ENPP2: variants seen among roughly 807,000 people sequenced by gnomAD.
ENPP2 encodes autotaxin.
ENPP2 carries 51 observed loss-of-function variants against 120.2 expected under a neutral mutation model. The observed-to-expected ratio is 0.42, with a 90% CI of 0.34 to 0.54. ENPP2 has a LOEUF of 0.54. Ranked by LOEUF, ENPP2 falls within the 20% of genes least tolerant of loss-of-function variation. The pLI, the probability that ENPP2 is intolerant of heterozygous loss-of-function variation, is 0.04. For synonymous variants in ENPP2, 365 were observed against 366.4 expected, an observed-to-expected ratio of 1.00 and a Z score of 0.04; for missense variants, 920 against 1,066.5, an observed-to-expected ratio of 0.86 and a Z score of 1.91.
chr8:119,656,586 C>G (rs1271522760), intron 1 of ENPP2, among the ~76,000 whole-genome samples: 1 of 152,204 alleles, frequency 6.6e-6, no homozygotes, highest in Non-Finnish European at 1.5e-5. Flanking sequence ...CTGTTCTAGG[C>G]ACAAGAGTCC....
At chr8:119,583,650 C>T in intron 17 of ENPP2, 67 bp downstream of exon 17, 1 of 873,582 alleles carries the variant, frequency 1.1e-6, no homozygotes, top group Non-Finnish European at 1.8e-6. Flanking sequence ...CTTTCTCTGA[C>T]ATTGAGAAAG....
At chr8:119,614,062 CTTTTTTTTTTTTT>C (rs1241610980) in intron 8 of ENPP2, among the ~76,000 whole-genome samples, 3 of 115,870 alleles carry the variant, frequency 2.6e-5, no homozygotes, top group Non-Finnish European at 3.6e-5. Context: ...CCTGGGAAAT[CTTTTTTTTTTTTT>C]TTTTTTTTTG....
chr8:119,602,315 G>A (rs1252609715), intron 9 of ENPP2, among the ~76,000 whole-genome samples: 2 of 152,118 alleles, frequency 1.3e-5, no homozygotes, highest in African/African-American at 4.8e-5. Flanking sequence ...AAATTAGCCA[G>A]GCATGGTGGC....
chr8:119,607,599 C>T (rs1234860390), intron 9 of ENPP2, among the ~76,000 whole-genome samples: 1 of 151,144 alleles, frequency 6.6e-6, no homozygotes, highest in Non-Finnish European at 1.5e-5. Flanking sequence ...CACTTGAACC[C>T]GGGAGGCAGA....
rs750701293 is a variant in ENPP2 at position 119,659,320 on chromosome 8, TAAAA to T, written c.21+13928_21+13931del. Among the ~76,000 whole-genome samples, 3 of 64,890 alleles carry T rather than the reference TAAAA, an allele frequency of 4.6e-5. 1 individual carries two copies. The highest frequency in any genetic ancestry group is 1.0e-4 in the Non-Finnish European group (3 of 28,652). The allele number at this position is 64,890 out of a possible 152,430, so 42.6% of individuals were successfully genotyped here. A position where few individuals can be genotyped will look rare whatever the true frequency, so the allele number is the denominator to read the frequency against. On this transcript the variant is annotated intron_variant, in intron 1 of 25. Transcript: ENST00000427067. ...CTACAGGACAAGACTCTGTCTCAAT[TAAAA>T]AAAAAAAAAAAAACCAGAGTTCTTA...
In ENPP2 at chr8:119,652,978, G is replaced by A. The variant is rs117216704; in HGVS notation, c.22-14451C>T. Among the ~76,000 whole-genome samples the A allele has an allele frequency of 8.0e-3, 1,217 of 152,276 alleles. 9 individuals carry two copies. The highest frequency in any genetic ancestry group is 0.013 in the Non-Finnish European group (913 of 68,024). ...TTGTAAAAGAAACCCAGGCATTTGG[G>A]TTACCTGCAAGCTCTATAGAAGCCC... is the stretch of plus-strand genomic sequence containing the variant. On this transcript the variant is annotated intron_variant, in intron 1 of 25. Transcript: ENST00000427067.
At chr8:119,561,005 A>G (rs1813882298) in intron 24 of ENPP2, among the ~76,000 whole-genome samples, 1 of 152,190 alleles carries the variant, frequency 6.6e-6, no homozygotes, top group South Asian at 2.1e-4. Context: ...AACTACTACT[A>G]CTGCTCCTGC....
intron 1 of ENPP2, among the ~76,000 whole-genome samples, chr8:119,654,026 A>G (rs1394149980): frequency 1.4e-5 from 2 of 145,956 alleles, no homozygotes; most frequent in East Asian, 2.0e-4. Flanking sequence ...TATATGTATA[A>G]TATTTTATTA....
At chr8:119,663,416 G>T (rs924536418) in intron 1 of ENPP2, among the ~76,000 whole-genome samples, 1 of 152,170 alleles carries the variant, frequency 6.6e-6, no homozygotes, top group Non-Finnish European at 1.5e-5. Flanking sequence ...CAATATCAGG[G>T]ATGCATTTAT....
chr8:119,568,360 A>C (rs1814655809), intron 21 of ENPP2, 108 bp from the exon 22 acceptor site: 1 of 687,474 alleles, frequency 1.5e-6, no homozygotes, highest in Non-Finnish European at 2.6e-6. Flanking sequence ...AAACAACATG[A>C]AGTAAATGAA....
chr8:119,565,774 T>G (rs1178154449), intron 22 of ENPP2, among the ~76,000 whole-genome samples: 2 of 152,206 alleles, frequency 1.3e-5, no homozygotes, highest in African/African-American at 4.8e-5. Flanking sequence ...GGGTTCCCTG[T>G]GAAATGCTTA....
At chr8:119,599,102 T>A (rs1488223480) in intron 11 of ENPP2, among the ~76,000 whole-genome samples, 2 of 152,240 alleles carry the variant, frequency 1.3e-5, no homozygotes, top group Admixed American at 1.3e-4. Flanking sequence ...AAAACAGCCA[T>A]TCTTGCTTTG....
intron 11 of ENPP2, among the ~76,000 whole-genome samples, chr8:119,597,832 C>T (rs2130524197): frequency 6.6e-6 from 1 of 152,272 alleles, no homozygotes; most frequent in Non-Finnish European, 1.5e-5. Flanking sequence ...CATTTAATAG[C>T]TTTTGAGAAT....
intron 15 of ENPP2, among the ~76,000 whole-genome samples, chr8:119,585,752 A>C (rs775247619): frequency 6.6e-6 from 1 of 152,242 alleles, no homozygotes; most frequent in Non-Finnish European, 1.5e-5. Flanking sequence ...CCACAATAAC[A>C]GAGTTTTTAA....
At chr8:119,564,418 C>G (rs149499850) in intron 23 of ENPP2, among the ~76,000 whole-genome samples, 23,723 of 152,068 alleles carry the variant, frequency 0.16, 2,442 homozygotes, top group Non-Finnish European at 0.23. Flanking sequence ...TGGCTCACAC[C>G]TGGAATCCCA....
intron 19 of ENPP2, among the ~76,000 whole-genome samples, chr8:119,576,084 GCCATATT>G (rs1812316373): frequency 6.6e-6 from 1 of 152,164 alleles, no homozygotes; most frequent in Non-Finnish European, 1.5e-5. Flanking sequence ...TCCCTCTGTA[GCCATATT>G]CAGGACTCTG....
At chr8:119,589,529 C>T (rs976808644) in intron 13 of ENPP2, among the ~76,000 whole-genome samples, 8 of 151,938 alleles carry the variant, frequency 5.3e-5, no homozygotes, top group African/African-American at 1.9e-4. Flanking sequence ...ATACTAAAAT[C>T]GAGGGGTGCC....
At chr8:119,619,395 A>G (rs1399076386) in intron 4 of ENPP2, 91 bp from the exon 5 acceptor site, 8 of 862,560 alleles carry the variant, frequency 9.3e-6, no homozygotes, top group Non-Finnish European at 1.5e-5. Context: ...GTCCTGTTTG[A>G]TACTTTCTTT....
At chr8:119,669,928 C>T (rs1419341053) in intron 1 of ENPP2, among the ~76,000 whole-genome samples, 1 of 152,178 alleles carries the variant, frequency 6.6e-6, no homozygotes, top group Non-Finnish European at 1.5e-5. Flanking sequence ...CTCTAGCATC[C>T]CAAATTCTCC....
Sources: gnomAD v4.1 joint callset for allele counts (sites outside exome capture counted in the v4.1 genomes callset) on GRCh38, gnomAD v4.1.1 for gene constraint, MANE v1.5 for transcripts, NCBI Gene and HGNC (gene_info 2026-07-23, HGNC 2026-07-21) for gene names.